Variants in NCOR2 observed in about 807,000 individuals in gnomAD.
NCOR2 encodes the protein CTG repeat protein 26.
In NCOR2, 81 loss-of-function variants were observed where a neutral mutation model predicts 262.9. The observed-to-expected ratio is 0.31, with a 90% CI of 0.26 to 0.37. NCOR2 has a LOEUF of 0.37. NCOR2 is among the 10% of genes least tolerant of loss of function. The pLI is 1.00. For synonymous variants in NCOR2, 1,659 were observed against 1,559.3 expected (o/e 1.06, Z -1.51); for missense variants, 3,385 against 3,621.4 (o/e 0.93, Z 1.68).
At chr12:124,550,334 G>A (rs1478187861) in intron 1 of NCOR2, among the ~76,000 whole-genome samples, 3 of 151,906 alleles carry the variant, frequency 2.0e-5, no homozygotes, top group Non-Finnish European at 4.4e-5. Flanking sequence ...CCTAATGGAA[G>A]GAAGGCAGAG....
intron 17 of NCOR2, among the ~76,000 whole-genome samples, chr12:124,384,879 G>A (rs2040680636): frequency 6.6e-6 from 1 of 152,084 alleles, no homozygotes; most frequent in Non-Finnish European, 1.5e-5. Context: ...CTGTATCGAT[G>A]AGGAAACACG....
intron 3 of NCOR2, among the ~76,000 whole-genome samples, chr12:124,473,838 A>T (rs995129187): frequency 6.6e-6 from 1 of 151,840 alleles, no homozygotes; most frequent in South Asian, 2.1e-4. Context: ...CCTCCCCAAT[A>T]CACCCCGGGT....
At chr12:124,526,018 G>C (rs554730585) in intron 1 of NCOR2, among the ~76,000 whole-genome samples, 16 of 152,336 alleles carry the variant, frequency 1.1e-4, no homozygotes, top group Middle Eastern at 3.4e-3. Context: ...GGCAAGAAAA[G>C]GATCAGGAAA....
At chr12:124,335,263 C>T (rs762727758) in exon 40 of NCOR2, 14 of 1,603,688 alleles carry the variant, frequency 8.7e-6, no homozygotes, top group African/African-American at 2.7e-5. Context: ...GCGGCCTCCC[C>T]GCCAAGCTTC....
At chr12:124,419,419 A>C (rs1053123663) in intron 13 of NCOR2, among the ~76,000 whole-genome samples, 3 of 152,172 alleles carry the variant, frequency 2.0e-5, no homozygotes, top group Non-Finnish European at 2.9e-5. Flanking sequence ...GATTAGCCCC[A>C]GAGTCCCAGT....
At chr12:124,366,670 C>T (rs1459136780) in intron 20 of NCOR2, among the ~76,000 whole-genome samples, 1 of 152,098 alleles carries the variant, frequency 6.6e-6, no homozygotes, top group African/African-American at 2.4e-5. Flanking sequence ...CCGTACCTGA[C>T]TGATTTTTGC....
intron 41 of NCOR2, among the ~76,000 whole-genome samples, chr12:124,333,916 G>A (rs1459910162): frequency 6.6e-6 from 1 of 150,652 alleles, no homozygotes; most frequent in African/African-American, 2.5e-5. Context: ...GTGTGCGGGT[G>A]TGCATGTGTG....
chr12:124,462,045 A>G (rs945770987), intron 5 of NCOR2, among the ~76,000 whole-genome samples: 2 of 152,158 alleles, frequency 1.3e-5, no homozygotes, highest in African/African-American at 4.8e-5. Flanking sequence ...GAATCACCAC[A>G]TGCTCGTCCC....
intron 10 of NCOR2, 87 bp from the exon 13 acceptor site, chr12:124,426,887 C>T (rs1450220601): frequency 9.1e-6 from 12 of 1,316,734 alleles, no homozygotes; most frequent in Middle Eastern, 5.5e-4. Context: ...ACAGAGGGGA[C>T]GGATGGTCTG....
At chr12:124,325,272 G>T in exon 47 of NCOR2, 2 of 529,428 alleles carry the variant, frequency 3.8e-6, no homozygotes, top group Non-Finnish European at 6.1e-6. Flanking sequence ...ACGGACAGAT[G>T]GATGGAGGCG....
In NCOR2 at chr12:124,483,545, C is replaced by A; in HGVS notation, c.411+51G>T. 6.7e-7 allele frequency: 1 copy of A among 1,481,548 alleles called. No homozygotes were observed. The highest frequency in any genetic ancestry group is 9.0e-7 in the Non-Finnish European group (1 of 1,114,384). The allele number at this position is 1,481,548 out of a possible 1,614,324, so 91.8% of individuals were successfully genotyped here. A position where few individuals can be genotyped will look rare whatever the true frequency, so the allele number is the denominator to read the frequency against. ...ACCACCTCCCACCCAGCCCAACCAG[C>A]AGCAGAACCTCAAGCGGGAGAGGAG... is the stretch of plus-strand genomic sequence containing the variant. On this transcript the variant is annotated intron_variant, in intron 3 of 46. Coordinates refer to ENST00000405201, the Ensembl canonical transcript of NCOR2. This position sits in a 1 kb window ranked among gnomAD's most constrained non-coding sequence, Gnocchi z 6.3.
intron 1 of NCOR2, among the ~76,000 whole-genome samples, chr12:124,525,572 T>C (rs547185015): frequency 6.6e-6 from 1 of 152,328 alleles, no homozygotes; most frequent in South Asian, 2.1e-4. Context: ...GAAGCAGATG[T>C]CCCACGTCCT....
At chr12:124,356,136 A>G (rs554557804) in intron 23 of NCOR2, among the ~76,000 whole-genome samples, 26 of 152,264 alleles carry the variant, frequency 1.7e-4, no homozygotes, top group African/African-American at 4.8e-4. Context: ...TCTGCCTGGC[A>G]TGACTTTCCC....
At position 124,566,871 on chromosome 12, in the gene NCOR2, G is replaced by T. The variant is rs1384306860; in HGVS notation, c.-165+437C>A. On this transcript the variant is annotated intron_variant, in intron 1 of 32. Coordinates refer to the NCOR2 transcript ENST00000458234. The surrounding 1 kb of genome is among the most constrained non-coding windows in gnomAD (Gnocchi z 4.3). ...CACAACAGCCAGGCCAGGGAGCTAG[G>T]GGTACCATCTCCAAGGGCTTTCAAA... Among the ~76,000 whole-genome samples the T allele has an allele frequency of 6.6e-6, 1 of 152,192 alleles. No homozygotes were observed. Among genetic ancestry groups the T allele is most frequent in the Non-Finnish European group, 1.5e-5 (1 of 68,016 alleles).
intron 1 of NCOR2, among the ~76,000 whole-genome samples, chr12:124,487,211 C>T (rs372217916): frequency 8.5e-5 from 13 of 152,210 alleles, no homozygotes; most frequent in African/African-American, 2.2e-4. Context: ...CGCGAGGGAA[C>T]GAGGCTCGGG....
chr12:124,340,273 G>A (rs775340545), intron 36 of NCOR2, 21 bp downstream of exon 38: 8 of 1,608,418 alleles, frequency 5.0e-6, no homozygotes, highest in Admixed American at 3.3e-5. Flanking sequence ...GGAGCGGGGG[G>A]TGGGGGCTCT....
chr12:124,385,287 T>A (rs1200680239), intron 17 of NCOR2, among the ~76,000 whole-genome samples: 5 of 152,036 alleles, frequency 3.3e-5, no homozygotes, highest in African/African-American at 1.2e-4. Flanking sequence ...CCCAGACCTG[T>A]CCCTCCCCAA....
At chr12:124,540,566 G>C (rs1274478628), upstream of NCOR2, among the ~76,000 whole-genome samples, 1 of 4,388 alleles carries the variant, frequency 2.3e-4, no homozygotes, top group Non-Finnish European at 5.5e-4. Context: ...TATGCAGGGG[G>C]ATGGGGAGTG....
chr12:124,542,086 C>T (rs966760657), intron 1 of NCOR2, among the ~76,000 whole-genome samples: 18 of 152,000 alleles, frequency 1.2e-4, no homozygotes, highest in South Asian at 2.1e-4. Flanking sequence ...AGGCATCGAC[C>T]TCTTGCCCTC....
Sources: allele counts gnomAD v4.1 joint callset (sites outside exome capture counted in the v4.1 genomes callset), GRCh38; gene constraint gnomAD v4.1.1; non-coding constraint Gnocchi (gnomAD v3.1); transcripts MANE v1.5; gene names NCBI Gene and HGNC (gene_info 2026-07-23, HGNC 2026-07-21).